Variants in LARP1B observed in about 807,000 individuals in gnomAD.
LARP1B encodes the protein La ribonucleoprotein 1B, also known as la-related protein 1B.
Under a neutral mutation model 114.2 loss-of-function variants are expected in LARP1B, and 76 were observed. That is an observed-to-expected ratio of 0.67 (90% CI 0.55 to 0.81). The LOEUF (loss-of-function observed/expected upper bound fraction) is 0.81. Ranked by LOEUF, LARP1B falls within the 30% of genes least tolerant of loss-of-function variation. The probability of loss-of-function intolerance (pLI) is 0.00; values close to 1 mark genes in which losing one functional copy is unlikely to be tolerated. For synonymous variants in LARP1B, 345 were observed against 348.0 expected, an observed-to-expected ratio of 0.99 and a Z score of 0.10; for missense variants, 1,014 against 1,075.8, an observed-to-expected ratio of 0.94 and a Z score of 0.80.
intron 13 of LARP1B, among the ~76,000 whole-genome samples, chr4:128,177,760 G>T (rs1746845260): frequency 6.6e-6 from 1 of 152,120 alleles, no homozygotes; most frequent in Non-Finnish European, 1.5e-5. Flanking sequence ...TGGTTTGGCT[G>T]TCAGTAGTCA....
chr4:128,101,449 A>C lies in LARP1B; in HGVS notation c.813+3119A>C, dbSNP rs62334582. ...TAAAATAATGATTTGTTGGTGTATA[A>C]TTAATGATTCTTGGTTTCATGAAAA... On this transcript the variant is annotated intron_variant, in intron 8 of 19. Coordinates refer to ENST00000326639, the MANE Select transcript of LARP1B (RefSeq NM_018078.4). Among the ~76,000 whole-genome samples, 46 of 151,922 alleles carry C rather than the reference A, an allele frequency of 3.0e-4. 1 individual carries two copies. Among genetic ancestry groups the C allele is most frequent in the Non-Finnish European group, 6.5e-4 (44 of 67,976 alleles).
At chr4:128,119,773 CATAA>C (rs1787283200) in intron 10 of LARP1B, among the ~76,000 whole-genome samples, 1 of 152,154 alleles carries the variant, frequency 6.6e-6, no homozygotes, top group Non-Finnish European at 1.5e-5. Context: ...TCCCGAAAGT[CATAA>C]AAGTCTTTGA....
intron 12 of LARP1B, among the ~76,000 whole-genome samples, chr4:128,166,576 TG>T (rs1312167978): frequency 6.6e-6 from 1 of 151,922 alleles, no homozygotes; most frequent in Non-Finnish European, 1.5e-5. Context: ...TACCTTTTTT[TG>T]TGGCAAGAGC....
At position 128,107,311 on chromosome 4, in the gene LARP1B, C is replaced by A. The variant is rs776567309; in HGVS notation, c.986C>A (p.Thr329Lys). 13 of 1,613,976 alleles carry A rather than the reference C, an allele frequency of 8.1e-6. No individual in the cohort carries two copies. The highest frequency in any genetic ancestry group is 1.1e-5 in the Non-Finnish European group (13 of 1,179,914). Residue 329 changes from threonine to lysine, a missense_variant and splice_region_variant, in exon 9 of 20, where the codon ACA (threonine) becomes AAA (lysine). Thr to Lys is a moderately conservative substitution (Grantham distance 78, BLOSUM62 -1). Transcript: ENST00000326639. Reference sequence around the variant, plus strand: ...CCAGGCCAAGCCTTTTGCTCACATACAGGTAACATCTTTTCTTCTAGAGCA... The same window carrying A: ...CCAGGCCAAGCCTTTTGCTCACATAAAGGTAACATCTTTTCTTCTAGAGCA... ...FVPGQAFCSH[T>K]ESAPNSPRIG...
intron 15 of LARP1B, among the ~76,000 whole-genome samples, chr4:128,180,872 C>T (rs972397222): frequency 6.6e-6 from 1 of 152,164 alleles, no homozygotes; most frequent in Admixed American, 6.6e-5. Context: ...GCATTCTCAC[C>T]AGTAATGTTT....
chr4:128,167,495 T>C (rs2150509524), intron 12 of LARP1B, among the ~76,000 whole-genome samples: 1 of 152,194 alleles, frequency 6.6e-6, no homozygotes, highest in East Asian at 1.9e-4. Flanking sequence ...GGTTTGCAAA[T>C]GTTTTTTCTT....
At chr4:128,085,604 G>A (rs1249956698) in intron 5 of LARP1B, among the ~76,000 whole-genome samples, 1 of 152,142 alleles carries the variant, frequency 6.6e-6, no homozygotes, top group Non-Finnish European at 1.5e-5. Flanking sequence ...CTAGCCTCAA[G>A]CGATTCTCCT....
At chr4:128,186,041 T>C (rs1256505904) in intron 15 of LARP1B, among the ~76,000 whole-genome samples, 1 of 152,234 alleles carries the variant, frequency 6.6e-6, no homozygotes, top group African/African-American at 2.4e-5. Flanking sequence ...TCTATGTGTC[T>C]GCTTTTACAC....
intron 11 of LARP1B, chr4:128,156,239 T>G (rs1370700356): frequency 1.4e-6 from 2 of 1,409,424 alleles, no homozygotes; most frequent in East Asian, 4.6e-5. Flanking sequence ...GGTGCCACCC[T>G]AAGCAACGTC....
chr4:128,190,539 A>C (rs1371741579), intron 15 of LARP1B, among the ~76,000 whole-genome samples: 2 of 152,142 alleles, frequency 1.3e-5, no homozygotes, highest in Non-Finnish European at 2.9e-5. Context: ...TGATTGGATC[A>C]TGGGGGCACT....
At chr4:128,209,237 G>A (rs1758426198) in intron 19 of LARP1B, among the ~76,000 whole-genome samples, 1 of 152,156 alleles carries the variant, frequency 6.6e-6, no homozygotes, top group Admixed American at 6.6e-5. Flanking sequence ...AGGGCAACAT[G>A]GTGAAACCCC....
intron 17 of LARP1B, among the ~76,000 whole-genome samples, chr4:128,205,033 G>A (rs1439087521): frequency 6.6e-6 from 1 of 152,170 alleles, no homozygotes; most frequent in Non-Finnish European, 1.5e-5. Context: ...CTGAACTGTG[G>A]TTCCTTTAGT....
At position 128,162,209 on chromosome 4, in the gene LARP1B, T is replaced by C; in HGVS notation, c.1540T>C (p.Phe514Leu). The change falls in exon 12 of 20, where the codon TTT (phenylalanine) becomes CTT (leucine). Residue 514 changes from phenylalanine to leucine, a missense_variant. Phe to Leu is a conservative substitution (Grantham distance 22). Coordinates refer to ENST00000326639, the MANE Select transcript of LARP1B (RefSeq NM_018078.4). ...HTAIKQEVENFKKLNLISKEQ... is the reference protein window; with the variant it reads ...HTAIKQEVENLKKLNLISKEQ... The stretch of plus-strand genomic sequence containing the variant: ...TCTACTTCAGCAAGAAGTTGAGAAC[T>C]TTAAGAAGCTAAATCTCATTAGTAA... 1 of 1,612,384 alleles carries C rather than the reference T, an allele frequency of 6.2e-7. No homozygotes were observed. The highest frequency in any genetic ancestry group is 1.1e-5 in the South Asian group (1 of 90,946).
chr4:128,065,577 CTT>C, intron 1 of LARP1B, among the ~76,000 whole-genome samples: 1 of 151,880 alleles, frequency 6.6e-6, no homozygotes, highest in Middle Eastern at 3.4e-3. Context: ...ACTTAGGTAA[CTT>C]AGATAAAAGA....
At chr4:128,077,724 A>C in intron 3 of LARP1B, 64 bp from the exon 4 acceptor site, 1 of 1,440,844 alleles carries the variant, frequency 6.9e-7, no homozygotes, top group Admixed American at 2.8e-5. Context: ...TATTGCCACA[A>C]ATTTTTGGGT....
chr4:128,081,718 G>T (rs114618112), intron 4 of LARP1B, among the ~76,000 whole-genome samples: 1 of 152,096 alleles, frequency 6.6e-6, no homozygotes, highest in Non-Finnish European at 1.5e-5. Flanking sequence ...GGGATTGGGG[G>T]TTCTGTAGGC....
At chr4:128,088,312 C>T (rs138172694) in intron 5 of LARP1B, among the ~76,000 whole-genome samples, 238 of 152,188 alleles carry the variant, frequency 1.6e-3, no homozygotes, top group Non-Finnish European at 2.4e-3. Flanking sequence ...CCCATTGTCT[C>T]GGAAAAAATG....
chr4:128,069,076 C>G, intron 1 of LARP1B: 1 of 1,029,440 alleles, frequency 9.7e-7, no homozygotes, highest in Non-Finnish European at 1.5e-6. Context: ...TGAGAACCAC[C>G]AATAGTGTGG....
At chr4:128,149,995 A>G (rs561290375) in intron 11 of LARP1B, among the ~76,000 whole-genome samples, 18 of 152,182 alleles carry the variant, frequency 1.2e-4, no homozygotes, top group Non-Finnish European at 2.1e-4. Flanking sequence ...TACTAAAAAT[A>G]CAAAAATTAG....
Sources: allele counts gnomAD v4.1 joint callset (sites outside exome capture counted in the v4.1 genomes callset), GRCh38; gene constraint gnomAD v4.1.1; transcripts MANE v1.5; gene names NCBI Gene and HGNC (gene_info 2026-07-23, HGNC 2026-07-21).